WDFY4: variants seen among roughly 807,000 people sequenced by gnomAD.
WDFY4 encodes WD repeat- and FYVE domain-containing protein 4.
In WDFY4, 169 loss-of-function variants were observed where a neutral mutation model predicts 351.9. That is an observed-to-expected ratio of 0.48 (90% CI 0.42 to 0.55). WDFY4 has a LOEUF of 0.55. Ranked by LOEUF, WDFY4 falls within the 20% of genes least tolerant of loss-of-function variation. The pLI is 0.00. For missense variants in WDFY4, 3,803 were observed against 3,935.6 expected (o/e 0.97, Z 0.90); for synonymous variants, 1,622 against 1,574.6 (o/e 1.03, Z -0.71).
intron 47 of WDFY4, among the ~76,000 whole-genome samples, chr10:48,929,537 T>A (rs1839862890): frequency 6.6e-6 from 1 of 152,128 alleles, no homozygotes; most frequent in Admixed American, 6.5e-5. Flanking sequence ...AGCCCCTTGC[T>A]CCTCTTCTCT....
chr10:48,943,577 A>G, intron 49 of WDFY4, 128 bp downstream of exon 49: 3 of 936,750 alleles, frequency 3.2e-6, no homozygotes, highest in Non-Finnish European at 3.0e-6. Flanking sequence ...CTGGGCCTAA[A>G]GGCTGCTGAA....
intron 12 of WDFY4, among the ~76,000 whole-genome samples, chr10:48,747,485 G>A (rs1013086491): frequency 3.9e-5 from 6 of 151,968 alleles, no homozygotes; most frequent in Non-Finnish European, 5.9e-5. Flanking sequence ...TTAGATGTAT[G>A]TTTTACTTTT....
At chr10:48,710,047 G>C in intron 2 of WDFY4, 81 bp downstream of exon 2, 1 of 1,302,412 alleles carries the variant, frequency 7.7e-7, no homozygotes, top group Non-Finnish European at 1.0e-6. Context: ...GAAGTTGATG[G>C]TTTTAATGTC....
intron 39 of WDFY4, 48 bp from the exon 40 acceptor site, chr10:48,867,217 A>AAAATAAAATAAAATC (rs777622148): frequency 1.4e-5 from 12 of 835,582 alleles, no homozygotes; most frequent in Admixed American, 4.1e-5. Context: ...AAAATAAAAT[A>AAAATAAAATAAAATC]AAATCACAAC....
intron 13 of WDFY4, among the ~76,000 whole-genome samples, chr10:48,765,235 T>C (rs2132547416): frequency 6.6e-6 from 1 of 152,368 alleles, no homozygotes; most frequent in East Asian, 1.9e-4. Flanking sequence ...AATGTCATCA[T>C]TGTCATTATC....
At chr10:48,724,332 T>C (rs1285432812) in intron 5 of WDFY4, among the ~76,000 whole-genome samples, 3 of 152,152 alleles carry the variant, frequency 2.0e-5, no homozygotes, top group Non-Finnish European at 2.9e-5. Flanking sequence ...GGTACACACA[T>C]GTCCACATTG....
At chr10:48,827,024 T>A in intron 36 of WDFY4, 115 bp downstream of exon 36, 1 of 863,292 alleles carries the variant, frequency 1.2e-6, no homozygotes, top group Non-Finnish European at 1.8e-6. Context: ...TCCTTTTGTT[T>A]ATCTGGTCTT....
chr10:48,813,825 C>T (rs1219270780), intron 30 of WDFY4, 132 bp from the exon 31 acceptor site: 1 of 1,123,018 alleles, frequency 8.9e-7, no homozygotes. Context: ...TATGGATCAA[C>T]CACCTAGGCT....
chr10:48,938,689 T>TA (rs1367782332), intron 47 of WDFY4, among the ~76,000 whole-genome samples: 3 of 152,184 alleles, frequency 2.0e-5, no homozygotes, highest in Non-Finnish European at 4.4e-5. Context: ...CACATGGCAG[T>TA]AGCGCTCAAG....
chr10:48,807,872 A>T lies in WDFY4; in HGVS notation c.4752A>T (p.Thr1584=). The change falls in exon 28 of 62, where the codon ACA becomes ACT. Residue 1584 remains threonine, a synonymous_variant. Coordinates refer to ENST00000325239, the MANE Select transcript of WDFY4 (RefSeq NM_001394531.1). ...LDPSLPAGSQ[T]SGKTIWLRNQ... is the part of the protein sequence containing the mutation. ...TCTTTTTTGTAGCTGGAAGCCAAAC[A>T]TCTGGAAAGACAATCTGGCTCAGAA... 6.4e-7 allele frequency: 1 copy of T among 1,551,706 alleles called. No homozygotes were observed. The highest frequency in any genetic ancestry group is 8.7e-7 in the Non-Finnish European group (1 of 1,146,980).
chr10:48,742,220 C>T (rs976559723), intron 11 of WDFY4, among the ~76,000 whole-genome samples: 11 of 152,346 alleles, frequency 7.2e-5, no homozygotes, highest in South Asian at 4.1e-4. Flanking sequence ...GTGGATTCCA[C>T]GATGTATCCT....
At chr10:48,817,106 G>A (rs1450151521) in intron 31 of WDFY4, 139 bp from the exon 32 acceptor site, 1 of 1,009,158 alleles carries the variant, frequency 9.9e-7, no homozygotes, top group South Asian at 1.6e-5. Context: ...CTAGTGTCTG[G>A]TGCTAATCTG....
chr10:48,824,933 A>G (rs1257493952), intron 35 of WDFY4, among the ~76,000 whole-genome samples: 1 of 152,210 alleles, frequency 6.6e-6, no homozygotes, highest in Non-Finnish European at 1.5e-5. Flanking sequence ...GATGTGAGCC[A>G]CCATACCCAG....
chr10:48,969,749 A>G (rs999530357), intron 56 of WDFY4, among the ~76,000 whole-genome samples: 2 of 145,356 alleles, frequency 1.4e-5, no homozygotes, highest in African/African-American at 2.5e-5. Context: ...CCCTCCCCTA[A>G]TCCCATCACT....
At chr10:48,873,982 TG>T (rs1278066337) in intron 41 of WDFY4, among the ~76,000 whole-genome samples, 2 of 152,212 alleles carry the variant, frequency 1.3e-5, no homozygotes, top group African/African-American at 2.4e-5. Flanking sequence ...GGCACAGCCC[TG>T]TGCTGCAGTC....
chr10:48,720,275 CT>C, intron 3 of WDFY4, 150 bp downstream of exon 3: 1 of 789,248 alleles, frequency 1.3e-6, no homozygotes, highest in Non-Finnish European at 2.0e-6. Context: ...CACTGAGTGC[CT>C]TAGGGACCAA....
Position 48,976,797 on chromosome 10 carries a change from G to C in WDFY4, c.9109G>C (p.Gly3037Arg), listed in dbSNP as rs892382390. The C allele has an allele frequency of 4.9e-6, 7 of 1,438,730 alleles. No homozygotes were observed. Among genetic ancestry groups the C allele is most frequent in the Admixed American group, 2.6e-5 (1 of 38,592 alleles). The allele number at this position is 1,438,730 out of a possible 1,614,324, so 89.1% of individuals were successfully genotyped here. A position where few individuals can be genotyped will look rare whatever the true frequency, so the allele number is the denominator to read the frequency against. ...AGTGATGCCAGCTCTCACTGCACAG[G>C]GCACCATTGTCTCCTGTGCGGGAGC... ...ISAITISDVS[G>R]TIVSCAGAHL... The change falls in exon 59 of 62, where the codon GGC becomes CGC. Residue 3037 changes from glycine to arginine, a missense_variant and splice_region_variant. Gly to Arg is a moderately radical substitution (Grantham distance 125). This residue lies in a region of WDFY4 where 3,054 missense variants were observed against 3,148.6 expected (regional missense o/e 0.97). Transcript: ENST00000325239.
chr10:48,743,598 C>T (rs546255002), intron 12 of WDFY4, 50 bp downstream of exon 12: 341 of 1,494,962 alleles, frequency 2.3e-4, no homozygotes, highest in Non-Finnish European at 2.3e-4. Flanking sequence ...CTCCCATTCT[C>T]ACTCTAACGT....
At position 48,689,616 on chromosome 10, in the gene WDFY4, T is replaced by C. The variant is rs569401433; in HGVS notation, c.-18+4615T>C. ...AAATTACACATGTGGCTGGAAGTTG[T>C]GCCTGGCTTTCTATTTCTAATATTT... On this transcript the variant is annotated intron_variant, in intron 1 of 61. Coordinates refer to ENST00000325239, the MANE Select transcript of WDFY4 (RefSeq NM_001394531.1). Among the ~76,000 whole-genome samples the C allele has an allele frequency of 9.2e-5, 14 of 152,342 alleles. No individual in the cohort carries two copies. The East Asian group carries it at 2.5e-3, about 27-fold the overall frequency.
Sources: gnomAD v4.1 joint callset for allele counts (sites outside exome capture counted in the v4.1 genomes callset) on GRCh38, gnomAD v4.1.1 for gene constraint, gnomAD v4.1.1 regional missense constraint, MANE v1.5 for transcripts, NCBI Gene and HGNC (gene_info 2026-07-23, HGNC 2026-07-21) for gene names.